SEMA6D: variants seen among roughly 807,000 people sequenced by gnomAD.
The protein encoded by SEMA6D is semaphorin-6D.
In SEMA6D, 35 loss-of-function variants were observed where a neutral mutation model predicts 106.6. The observed-to-expected ratio is 0.33, with a 90% CI of 0.25 to 0.44. The LOEUF (loss-of-function observed/expected upper bound fraction) is 0.44. SEMA6D is among the 20% of genes least tolerant of loss of function. The pLI, the probability that SEMA6D is intolerant of heterozygous loss-of-function variation, is 1.00. For synonymous variants in SEMA6D, 499 were observed against 487.7 expected (o/e 1.02, Z -0.31); for missense variants, 1,185 against 1,345.9 (o/e 0.88, Z 1.87).
At chr15:47,243,336 C>T (rs1280277841) in intron 1 of SEMA6D, among the ~76,000 whole-genome samples, 3 of 151,672 alleles carry the variant, frequency 2.0e-5, no homozygotes, top group African/African-American at 4.8e-5. Context: ...TAACTTCTTA[C>T]ATCATCATTA....
At chr15:47,518,771 T>G (rs4482219) in intron 3 of SEMA6D, among the ~76,000 whole-genome samples, 19,332 of 152,178 alleles carry the variant, frequency 0.13, 1,739 homozygotes, top group East Asian at 0.33. Flanking sequence ...TTCCACCTCC[T>G]TATCTTGTCC....
intron 1 of SEMA6D, among the ~76,000 whole-genome samples, chr15:47,207,037 A>G (rs1486670293): frequency 1.3e-5 from 2 of 152,196 alleles, no homozygotes; most frequent in Non-Finnish European, 2.9e-5. Flanking sequence ...ACTTCAAAAA[A>G]GATAAATGGT....
chr15:47,566,673 T>C (rs2046238872), intron 3 of SEMA6D, among the ~76,000 whole-genome samples: 1 of 152,246 alleles, frequency 6.6e-6, no homozygotes, highest in Admixed American at 6.5e-5. Flanking sequence ...ACAGATTGCA[T>C]GACTGTGAGC....
chr15:47,190,094 C>A (rs1480455760), intron 1 of SEMA6D, among the ~76,000 whole-genome samples: 1 of 152,120 alleles, frequency 6.6e-6, no homozygotes, highest in African/African-American at 2.4e-5. Flanking sequence ...TTTTTCACAC[C>A]CCTTTTGATC....
At position 47,767,069 on chromosome 15, in the gene SEMA6D, A is replaced by G. The variant is rs1278165164; in HGVS notation, c.1741A>G (p.Lys581Glu). 2 of 1,572,262 alleles carry G rather than the reference A, an allele frequency of 1.3e-6. No homozygotes were observed. The highest frequency in any genetic ancestry group is 1.7e-6 in the Non-Finnish European group (2 of 1,158,176). The change falls in exon 17 of 19, where the codon AAA becomes GAA. Residue 581 changes from lysine to glutamate, a missense_variant. This residue lies in a region of SEMA6D where 750 missense variants were observed against 783.5 expected (regional missense o/e 0.96). Transcript: ENST00000536845. ...GCCTACTTCAACTACACCAGATTAC[A>G]AAATATTTGGCGGTCCAACATCTGG... ...ILPTSTTPDY[K>E]IFGGPTSDME...
At chr15:47,465,225 G>C (rs949791096) in intron 2 of SEMA6D, among the ~76,000 whole-genome samples, 3 of 152,170 alleles carry the variant, frequency 2.0e-5, no homozygotes, top group Non-Finnish European at 4.4e-5. Flanking sequence ...GATTTGTAAT[G>C]TGTAAGAAAT....
intron 3 of SEMA6D, chr15:47,527,708 C>T (rs1362898795): frequency 6.6e-6 from 1 of 152,060 alleles, no homozygotes; most frequent in Non-Finnish European, 1.5e-5. Flanking sequence ...TATATTCCTC[C>T]TTAGACGCTT....
At chr15:47,717,808 G>A in intron 1 of SEMA6D, 116 bp downstream of exon 1, 2 of 136,796 alleles carry the variant, frequency 1.5e-5, no homozygotes, top group East Asian at 2.0e-4. Flanking sequence ...CGCGGTGGGG[G>A]TCGGAACCTG....
intron 3 of SEMA6D, among the ~76,000 whole-genome samples, chr15:47,473,700 C>A (rs1433014347): frequency 1.3e-5 from 2 of 152,112 alleles, no homozygotes; most frequent in African/African-American, 4.8e-5. Flanking sequence ...ATTTCAGAGA[C>A]ACGTCTTCCA....
Position 47,768,718 on chromosome 15 carries a change from T to A in SEMA6D, c.1903T>A (p.Phe635Ile), listed in dbSNP as rs770963209. The A allele has an allele frequency of 6.2e-7, 1 of 1,613,442 alleles. No homozygotes were observed. The highest frequency in any genetic ancestry group is 8.5e-7 in the Non-Finnish European group (1 of 1,179,554). ...VVQDDPNTSD[F>I]TDPLSGIPKG... ...TCAAGATGATCCAAACACTTCTGAT[T>A]TTACTGATCCTTTATCGGGTATCCC... Residue 635 changes from phenylalanine to isoleucine, a missense_variant, in exon 18 of 19, where the codon TTT (phenylalanine) becomes ATT (isoleucine). By Grantham distance (21) the Phe-to-Ile change is conservative. Coordinates refer to ENST00000536845, the MANE Select transcript of SEMA6D (RefSeq NM_001358351.3).
At chr15:47,400,606 A>G (rs890993979) in intron 1 of SEMA6D, among the ~76,000 whole-genome samples, 2 of 152,216 alleles carry the variant, frequency 1.3e-5, no homozygotes, top group African/African-American at 4.8e-5. Flanking sequence ...ACCTAATACA[A>G]AGTGAGAGAT....
rs141988375 is a variant in SEMA6D at position 47,240,355 on chromosome 15, T to A, written c.-239+55937T>A. Among the ~76,000 whole-genome samples the A allele has an allele frequency of 5.5e-3, 836 of 152,290 alleles. 12 individuals are homozygous for A. The highest frequency in any genetic ancestry group is 0.019 in the African/African-American group (800 of 41,560). On this transcript the variant is annotated intron_variant, in intron 1 of 19. Coordinates refer to the SEMA6D transcript ENST00000558014. ...GTAAATTATTTTACTTCCCTGGCTT[T>A]CAGATTATTTTTAGGTAAAATGAAG...
intron 1 of SEMA6D, among the ~76,000 whole-genome samples, chr15:47,197,280 T>G (rs963869675): frequency 3.9e-5 from 6 of 152,234 alleles, no homozygotes; most frequent in African/African-American, 1.4e-4. Context: ...TCCAGATGTT[T>G]AGAGAGCCAA....
chr15:47,332,957 G>A (rs2037402227), intron 1 of SEMA6D, among the ~76,000 whole-genome samples: 1 of 151,940 alleles, frequency 6.6e-6, no homozygotes, highest in Non-Finnish European at 1.5e-5. Context: ...CTATGGAGCT[G>A]GAAAGACAAA....
intron 3 of SEMA6D, chr15:47,527,853 G>A (rs1256575700): frequency 6.6e-6 from 1 of 152,136 alleles, no homozygotes; most frequent in African/African-American, 2.4e-5. Context: ...CAGCAGGTCT[G>A]AAAATCCCCT....
At chr15:47,594,814 T>G (rs575338170) in intron 3 of SEMA6D, among the ~76,000 whole-genome samples, 25 of 152,188 alleles carry the variant, frequency 1.6e-4, no homozygotes. Context: ...ATAGAAATAG[T>G]GTTTGGGGTA....
chr15:47,430,279 AC>A (rs1307311730), intron 2 of SEMA6D, among the ~76,000 whole-genome samples: 3 of 152,008 alleles, frequency 2.0e-5, no homozygotes. Flanking sequence ...ATAGGAATCT[AC>A]CACAAAGGAG....
At chr15:47,393,181 A>G (rs962949) in intron 1 of SEMA6D, 61,560 of 152,012 alleles carry the variant, frequency 0.4, 13,371 homozygotes, top group African/African-American at 0.58. Context: ...CATAATCACA[A>G]TCTTATCCTT....
intron 4 of SEMA6D, among the ~76,000 whole-genome samples, chr15:47,685,831 T>C (rs1414260351): frequency 1.3e-5 from 2 of 152,186 alleles, no homozygotes; most frequent in African/African-American, 4.8e-5. Flanking sequence ...ACTTGTGCCA[T>C]GTTCTTGTTA....
Sources: gnomAD v4.1 joint callset for allele counts (sites outside exome capture counted in the v4.1 genomes callset) on GRCh38, gnomAD v4.1.1 for gene constraint, gnomAD v4.1.1 regional missense constraint, MANE v1.5 for transcripts, NCBI Gene and HGNC (gene_info 2026-07-23, HGNC 2026-07-21) for gene names.